SNAP25: variants seen among roughly 807,000 people sequenced by gnomAD.
SNAP25 encodes synaptosome associated protein 25, also known as synaptosomal-associated protein 25.
Under a neutral mutation model 28.7 loss-of-function variants are expected in SNAP25, and 3 were observed. That is an observed-to-expected ratio of 0.10 (90% CI 0.05 to 0.27). The LOEUF (loss-of-function observed/expected upper bound fraction) is 0.27, where lower values mean the gene tolerates loss of function less well. Among genes scored for constraint, SNAP25 ranks in the 10% least tolerant of loss-of-function variants. The probability of loss-of-function intolerance (pLI) is 1.00; values close to 1 mark genes in which losing one functional copy is unlikely to be tolerated. For missense variants in SNAP25, 117 were observed against 278.7 expected (o/e 0.42, Z 4.13); for synonymous variants, 61 against 88.1 (o/e 0.69, Z 1.72).
In SNAP25 at chr20:10,247,488, A is replaced by G. The variant is rs542088636; in HGVS notation, c.-63-27941A>G. ...GCTTTGATAGAGGAAAAGGCTAAGAATAGAATCATTGGTTGTTCCTGAGAT... is the reference window on the plus strand; with the variant it reads ...GCTTTGATAGAGGAAAAGGCTAAGAGTAGAATCATTGGTTGTTCCTGAGAT... On this transcript the variant is annotated intron_variant, in intron 1 of 7. Coordinates refer to ENST00000254976, the MANE Select transcript of SNAP25 (RefSeq NM_130811.4). Among the ~76,000 whole-genome samples, 7 of 152,374 alleles carry G rather than the reference A, an allele frequency of 4.6e-5. No individual in the cohort carries two copies. The East Asian group carries it at 1.3e-3, about 29-fold the overall frequency.
At chr20:10,235,407 T>A (rs1297580139) in intron 1 of SNAP25, among the ~76,000 whole-genome samples, 1 of 152,346 alleles carries the variant, frequency 6.6e-6, no homozygotes, top group African/African-American at 2.4e-5. Context: ...ATAGCTACCA[T>A]AATTTCAAAG....
chr20:10,244,994 G>A (rs1350886174), intron 1 of SNAP25, among the ~76,000 whole-genome samples: 1 of 152,082 alleles, frequency 6.6e-6, no homozygotes, highest in African/African-American at 2.4e-5. Flanking sequence ...GCCTCCCAAA[G>A]TGCTGAGATT....
At chr20:10,291,046 T>C (rs1394579540) in intron 4 of SNAP25, among the ~76,000 whole-genome samples, 1 of 152,206 alleles carries the variant, frequency 6.6e-6, no homozygotes, top group Non-Finnish European at 1.5e-5. Flanking sequence ...GATTGCCATA[T>C]ATATAGCCTT....
At chr20:10,248,459 A>G (rs1056151427) in intron 1 of SNAP25, among the ~76,000 whole-genome samples, 1 of 152,224 alleles carries the variant, frequency 6.6e-6, no homozygotes, top group Non-Finnish European at 1.5e-5. Flanking sequence ...ATAATTATGA[A>G]TAATTATTTT....
chr20:10,224,153 T>C (rs1384942300), intron 1 of SNAP25, among the ~76,000 whole-genome samples: 1 of 150,610 alleles, frequency 6.6e-6, no homozygotes, highest in Non-Finnish European at 1.5e-5. Flanking sequence ...TTAAATGTAA[T>C]CAGTCTGACT....
intron 6 of SNAP25, among the ~76,000 whole-genome samples, chr20:10,298,087 C>T (rs1270595630): frequency 6.6e-6 from 1 of 151,860 alleles, no homozygotes; most frequent in Non-Finnish European, 1.5e-5. Context: ...CCTGGCTGTA[C>T]ATTAGAATCA....
At chr20:10,251,636 A>G (rs2063230348) in intron 1 of SNAP25, among the ~76,000 whole-genome samples, 2 of 152,196 alleles carry the variant, frequency 1.3e-5, no homozygotes. Flanking sequence ...AGGAACACAT[A>G]AATCTATTTG....
chr20:10,251,306 T>C (rs2063222033), intron 1 of SNAP25, among the ~76,000 whole-genome samples: 1 of 152,098 alleles, frequency 6.6e-6, no homozygotes, highest in Admixed American at 6.5e-5. Context: ...AGAGATGACA[T>C]AGAGGCCAAA....
intron 1 of SNAP25, chr20:10,231,564 T>C (rs2423486): frequency 0.66 from 100,564 of 151,988 alleles, 36,092 homozygotes; most frequent in Non-Finnish European, 0.79. Context: ...CAATCAGGAA[T>C]TCTCTCAGTC....
chr20:10,237,231 TACA>T (rs2062940767), intron 1 of SNAP25, among the ~76,000 whole-genome samples: 1 of 152,072 alleles, frequency 6.6e-6, no homozygotes, highest in Non-Finnish European at 1.5e-5. Flanking sequence ...AGAGAGAGTG[TACA>T]ACATGCCTGG....
chr20:10,265,172 G>T (rs969432334), intron 1 of SNAP25, among the ~76,000 whole-genome samples: 1 of 152,122 alleles, frequency 6.6e-6, no homozygotes, highest in Non-Finnish European at 1.5e-5. Flanking sequence ...GCTATGAAAA[G>T]AGGAGATTGA....
chr20:10,227,664 A>G (rs554927084), intron 1 of SNAP25, among the ~76,000 whole-genome samples: 2 of 152,176 alleles, frequency 1.3e-5, no homozygotes, highest in South Asian at 4.1e-4. Flanking sequence ...ACGAAGGATC[A>G]AAGGATTCTC....
rs186957651 is a variant in SNAP25, at chr20:10,250,531, A to C, written c.-63-24898A>C. Among the ~76,000 whole-genome samples, 364 of 152,202 alleles carry C rather than the reference A, an allele frequency of 2.4e-3. 1 individual carries two copies. Among genetic ancestry groups the C allele is most frequent in the Non-Finnish European group, 2.5e-3 (173 of 68,012 alleles). On this transcript the variant is annotated intron_variant, in intron 1 of 7. Coordinates refer to ENST00000254976, the MANE Select transcript of SNAP25 (RefSeq NM_130811.4). ...AAAGTATTTATCTCTAGTCTCAAAA[A>C]CCCTCAGTATCTTAACCCACAGTCT...
rs537100365 is a variant in SNAP25, at chr20:10,230,737, A to G, written c.-64+11760A>G. Among the ~76,000 whole-genome samples, 8 of 152,238 alleles carry G rather than the reference A, an allele frequency of 5.3e-5. 1 individual carries two copies. The South Asian group carries it at 1.5e-3, about 28-fold the overall frequency. On this transcript the variant is annotated intron_variant, in intron 1 of 7. Coordinates refer to ENST00000254976, the MANE Select transcript of SNAP25 (RefSeq NM_130811.4). The stretch of plus-strand genomic sequence containing the variant: ...GGATGAGGTGTTTTCACTGTTCTCA[A>G]CCTTTCAAAAGTTGTGACTGGGTAC...
At position 10,306,971 on chromosome 20, in the gene SNAP25, A is replaced by C. The variant is rs996637480; in HGVS notation, c.*774A>C. 1 of 152,718 alleles carries C rather than the reference A, an allele frequency of 6.5e-6. No individual in the cohort carries two copies. Among genetic ancestry groups the C allele is most frequent in the African/African-American group, 2.4e-5 (1 of 41,454 alleles). 9.5% of individuals were successfully genotyped at this position (152,718 alleles called of 1,614,324 possible). Reference sequence around the variant, plus strand: ...TCATAATCATCCTTTTTTAAAAAAAAGAATTTTAAAAAAGATGGATTTGAC... The same window carrying C: ...TCATAATCATCCTTTTTTAAAAAAACGAATTTTAAAAAAGATGGATTTGAC... On this transcript the variant is annotated 3_prime_UTR_variant, in exon 8 of 8. Coordinates refer to ENST00000254976, the MANE Select transcript of SNAP25 (RefSeq NM_130811.4).
chr20:10,242,384 G>A (rs771567652), intron 1 of SNAP25, among the ~76,000 whole-genome samples: 2 of 152,210 alleles, frequency 1.3e-5, no homozygotes, highest in Non-Finnish European at 2.9e-5. Context: ...CCAGCACAGA[G>A]TGGAGGTGTT....
In SNAP25 at chr20:10,293,119, T is replaced by C; in HGVS notation, c.164-42T>C. 1 of 1,552,458 alleles carries C rather than the reference T, an allele frequency of 6.4e-7. No individual in the cohort carries two copies. ...GTCTTTTTTTCTTTGTCCTTTTCCA[T>C]CTGCTTCATTCTGTGGGGATAAAAT... On this transcript the variant is annotated intron_variant, in intron 4 of 7. Transcript: ENST00000254976. This position sits in a 1 kb window ranked among gnomAD's most constrained non-coding sequence, Gnocchi z 5.6.
chr20:10,288,643 T>C (rs542231684), intron 4 of SNAP25, among the ~76,000 whole-genome samples: 48 of 152,290 alleles, frequency 3.2e-4, no homozygotes, highest in African/African-American at 1.1e-3. Flanking sequence ...ATTATAGCCA[T>C]ACCACAGTAA....
chr20:10,297,028 A>G lies in SNAP25; in HGVS notation c.385A>G (p.Ile129Val). Residue 129 changes from isoleucine to valine, a missense_variant, in exon 6 of 8, where the codon ATC (isoleucine) becomes GTC (valine). Transcript: ENST00000254976. ...RVVDEREQMA[I>V]SGGFIRRVTN... is the part of the protein sequence containing the mutation. ...AGTGGACGAACGGGAGCAGATGGCC[A>G]TCAGTGGCGGCTTCATCCGCAGGTG... 6.2e-7 allele frequency: 1 copy of G among 1,606,296 alleles called. No individual in the cohort carries two copies. Among genetic ancestry groups the G allele is most frequent in the Non-Finnish European group, 8.5e-7 (1 of 1,175,686 alleles).
Sources: gnomAD v4.1 joint callset for allele counts (sites outside exome capture counted in the v4.1 genomes callset) on GRCh38, gnomAD v4.1.1 for gene constraint, Gnocchi (gnomAD v3.1) non-coding constraint, MANE v1.5 for transcripts, NCBI Gene and HGNC (gene_info 2026-07-23, HGNC 2026-07-21) for gene names.